The following UGT2B17 variants were observed in gnomAD, a reference collection of about 807,000 sequenced individuals.
The protein encoded by UGT2B17 is UDP-glucuronosyltransferase 2B17.
In UGT2B17, 21 loss-of-function variants were observed where a neutral mutation model predicts 48.2. The observed-to-expected ratio is 0.44, with a 90% CI of 0.31 to 0.63. The LOEUF (loss-of-function observed/expected upper bound fraction) is 0.63, where lower values mean the gene tolerates loss of function less well. Among genes scored for constraint, UGT2B17 ranks in the 20% least tolerant of loss-of-function variants. The pLI is 0.08. For missense variants in UGT2B17, 402 were observed against 696.1 expected, an observed-to-expected ratio of 0.58 and a Z score of 4.75; for synonymous variants, 146 against 238.4, an observed-to-expected ratio of 0.61 and a Z score of 3.57.
intron 4 of UGT2B17, among the ~76,000 whole-genome samples, chr4:68,554,597 TGTAA>T (rs1730970251): frequency 1.6e-5 from 2 of 125,644 alleles, no homozygotes; most frequent in Admixed American, 8.2e-5. Flanking sequence ...TTTGTGTGTG[TGTAA>T]GTGTTTGCAT....
chr4:68,564,294 A>ATT (rs1182011820), intron 3 of UGT2B17, among the ~76,000 whole-genome samples: 3,699 of 75,658 alleles, frequency 0.049, 774 homozygotes, highest in African/African-American at 0.15. Context: ...ATATATATAT[A>ATT]TTTTTTTTTT....
At chr4:68,541,784 C>A (rs1400236314) in intron 6 of UGT2B17, among the ~76,000 whole-genome samples, 2 of 126,744 alleles carry the variant, frequency 1.6e-5, no homozygotes, top group African/African-American at 5.4e-5. Flanking sequence ...TTGGGTTTTA[C>A]ATTTAAGTCT....
chr4:68,538,578 G>A (rs115559893), intron 6 of UGT2B17, among the ~76,000 whole-genome samples: 2,572 of 125,508 alleles, frequency 0.02, 593 homozygotes, highest in East Asian at 0.06. Flanking sequence ...CACAACTGGT[G>A]AAATGTCTCC....
rs567735649 is a variant in UGT2B17, at chr4:68,554,010, G to T, written c.1006-2099C>A. 3.0e-4 allele frequency among the ~76,000 whole-genome samples: 38 copies of T among 124,646 alleles called. 11 individuals carry two copies. The highest frequency in any genetic ancestry group is 5.8e-4 in the Admixed American group (7 of 12,100). 81.8% of individuals were successfully genotyped at this position (124,646 alleles called of 152,430 possible). A position where few individuals can be genotyped will look rare whatever the true frequency, so the allele number is the denominator to read the frequency against. ...AGTGGTCCTGCAGGGAAATCCCCAAGAAAAATTAACTTTTAAAAAAAGGCT... is the reference window on the plus strand; with the variant it reads ...AGTGGTCCTGCAGGGAAATCCCCAATAAAAATTAACTTTTAAAAAAAGGCT... On this transcript the variant is annotated intron_variant, in intron 4 of 6. Coordinates refer to ENST00000317746, the MANE Select transcript of UGT2B17 (RefSeq NM_001077.4).
chr4:68,563,652 G>T lies in UGT2B17; in HGVS notation c.873+1920C>A, dbSNP rs1731142566. ...CTTATTCTCCTATTCTCTTCCCCCT[G>T]CTAATGGCACTATCACTTTCTTTTG... On this transcript the variant is annotated intron_variant, in intron 3 of 6. Coordinates refer to ENST00000317746, the MANE Select transcript of UGT2B17 (RefSeq NM_001077.4). Among the ~76,000 whole-genome samples the T allele has an allele frequency of 1.6e-5, 2 of 126,034 alleles. 1 individual carries two copies. Among genetic ancestry groups the T allele is most frequent in the Non-Finnish European group, 3.4e-5 (2 of 59,572 alleles). The allele number at this position is 126,034 out of a possible 152,430, so 82.7% of individuals were successfully genotyped here.
rs1191934080 is a variant in UGT2B17 at position 68,547,856 on chromosome 4, C to T, written c.1313+2821G>A. On this transcript the variant is annotated intron_variant, in intron 6 of 6. Coordinates refer to ENST00000317746, the MANE Select transcript of UGT2B17 (RefSeq NM_001077.4). ...ATCATCGCTGGCCATCAGAGAAATG[C>T]AAATCAAAACCACAATGAGATACCA... is the stretch of plus-strand genomic sequence containing the variant. 1.9e-4 allele frequency among the ~76,000 whole-genome samples: 24 copies of T among 126,266 alleles called. 6 individuals carry two copies. The highest frequency in any genetic ancestry group is 6.5e-4 in the African/African-American group (24 of 36,876). The allele number at this position is 126,266 out of a possible 152,430, so 82.8% of individuals were successfully genotyped here.
In UGT2B17 at chr4:68,571,985, G is replaced by A. The variant is rs746131316; in HGVS notation, c.-64-3437C>T. 4.2e-4 allele frequency among the ~76,000 whole-genome samples: 52 copies of A among 124,166 alleles called. 15 individuals carry two copies. Among genetic ancestry groups the A allele is most frequent in the Admixed American group, 9.9e-4 (12 of 12,078 alleles). The allele number at this position is 124,166 out of a possible 152,430, so 81.5% of individuals were successfully genotyped here. On this transcript the variant is annotated intron_variant, in intron 1 of 6. Coordinates refer to ENST00000317746, the MANE Select transcript of UGT2B17 (RefSeq NM_001077.4). ...TTCTTTTATTTTACTTTGGGTCTGA[G>A]GGGTTTGTGATTATCAATTCTAAAA... is the stretch of plus-strand genomic sequence containing the variant.
chr4:68,546,208 A>G (rs1325978714), intron 6 of UGT2B17, among the ~76,000 whole-genome samples: 1 of 126,094 alleles, frequency 7.9e-6, no homozygotes, highest in African/African-American at 2.7e-5. Flanking sequence ...CCAGCAGCAC[A>G]TCAAAAAGCT....
Position 68,565,588 on chromosome 4 carries a change from G to T in UGT2B17, c.857C>A (p.Ala286Asp). Reference protein sequence around the residue: ...DFVGGLHCKPAKPLPKEMEEF... With the variant: ...DFVGGLHCKPDKPLPKEMEEF... ...TATGTTCACCTTAGGCAAGGGTTTG[G>T]CTGGTTTACAGTGAAGTCCTCCAAC... Residue 286 changes from alanine to aspartate, a missense_variant, in exon 3 of 7, where the codon GCC becomes GAC. Physicochemically the swap from Ala to Asp is moderately radical, Grantham distance 126 (BLOSUM62 -2). This residue lies in a region of UGT2B17 where 106 missense variants were observed against 169.8 expected (regional missense o/e 0.62). Transcript: ENST00000317746. 7.3e-7 allele frequency: 1 copy of T among 1,368,960 alleles called. No individual in the cohort carries two copies. Among genetic ancestry groups the T allele is most frequent in the Non-Finnish European group, 9.5e-7 (1 of 1,050,132 alleles). 84.8% of individuals were successfully genotyped at this position (1,368,960 alleles called of 1,614,324 possible).
rs1730580079 is a variant in UGT2B17, at chr4:68,537,746, G to A, written c.1472C>T (p.Ser491Phe). 1 of 1,379,660 alleles carries A rather than the reference G, an allele frequency of 7.2e-7. No individual in the cohort carries two copies. Among genetic ancestry groups the A allele is most frequent in the Admixed American group, 2.0e-5 (1 of 50,586 alleles). The allele number at this position is 1,379,660 out of a possible 1,614,324, so 85.5% of individuals were successfully genotyped here. ...AHNLTWIQYH[S>F]LDVIAFLLAC... The stretch of plus-strand genomic sequence containing the variant: ...CAGCAGGAATGCTATCACATCCAAA[G>A]AGTGGTACTGGATCCAGGTGAGGTT... The change falls in exon 7 of 7, where the codon TCT (serine) becomes TTT (phenylalanine). Residue 491 changes from serine to phenylalanine, a missense_variant. Around this residue, in one of 5 missense-constraint regions of UGT2B17, gnomAD observed 156 missense variants for 258.6 expected, o/e 0.60. Transcript: ENST00000317746.
rs1427213772 is a variant in UGT2B17, at chr4:68,568,171, G to T, written c.314C>A (p.Thr105Lys). The T allele has an allele frequency of 7.2e-7, 1 of 1,379,318 alleles. No homozygotes were observed. The highest frequency in any genetic ancestry group is 9.5e-7 in the Non-Finnish European group (1 of 1,053,626). 85.4% of individuals were successfully genotyped at this position (1,379,318 alleles called of 1,614,324 possible). A position where few individuals can be genotyped will look rare whatever the true frequency, so the allele number is the denominator to read the frequency against. ...DRWTYSISKN[T>K]FWSYFSQLQE... ...TAGTTGTGAAAAATATGACCAAAAT[G>T]TATTTTTTGAAATACTATATGTCCA... Residue 105 changes from threonine to lysine, a missense_variant, in exon 2 of 7, where the codon ACA becomes AAA. Transcript: ENST00000317746.
chr4:68,569,115 A>T (rs1370931253), intron 1 of UGT2B17, among the ~76,000 whole-genome samples: 1 of 125,586 alleles, frequency 8.0e-6, no homozygotes, highest in African/African-American at 2.7e-5. Context: ...GGCAGATGGG[A>T]TGCAGGACTA....
chr4:68,550,224 G>T (rs1331360810), intron 6 of UGT2B17, among the ~76,000 whole-genome samples: 1 of 123,954 alleles, frequency 8.1e-6, no homozygotes, highest in Non-Finnish European at 1.7e-5. Context: ...AATATATTTA[G>T]ATTTTAAATT....
rs1390870049 is a variant in UGT2B17, at chr4:68,565,921, A to C, written c.725-201T>G. Among the ~76,000 whole-genome samples the C allele has an allele frequency of 3.4e-5, 4 of 119,180 alleles. 1 individual carries two copies. The highest frequency in any genetic ancestry group is 1.1e-4 in the African/African-American group (4 of 35,474). The allele number at this position is 119,180 out of a possible 152,430, so 78.2% of individuals were successfully genotyped here. ...TAAATACATTATATTAAATTAATGT[A>C]TATTAAATAATATTAAATACATTAT... On this transcript the variant is annotated intron_variant, in intron 2 of 6. Coordinates refer to ENST00000317746, the MANE Select transcript of UGT2B17 (RefSeq NM_001077.4).
chr4:68,560,117 C>T (rs113397814), intron 4 of UGT2B17, among the ~76,000 whole-genome samples: 43,722 of 112,694 alleles, frequency 0.39, 11,634 homozygotes, highest in Middle Eastern at 0.6. Context: ...TTTTTCAATA[C>T]CTGCTTATTG....
Position 68,538,323 on chromosome 4 carries a change from C to T in UGT2B17, c.1314-419G>A, listed in dbSNP as rs1411903470. ...TGATCATGGCTCAGTGCAGCCTTTC[C>T]GTTTCGGTCTCAGGTAATCCTCCAC... is the stretch of plus-strand genomic sequence containing the variant. On this transcript the variant is annotated intron_variant, in intron 6 of 6. Transcript: ENST00000317746. 4.8e-5 allele frequency among the ~76,000 whole-genome samples: 6 copies of T among 124,708 alleles called. 2 individuals are homozygous for T. Among genetic ancestry groups the T allele is most frequent in the Non-Finnish European group, 1.0e-4 (6 of 59,214 alleles). The allele number at this position is 124,708 out of a possible 152,430, so 81.8% of individuals were successfully genotyped here.
intron 6 of UGT2B17, 85 bp downstream of exon 6, chr4:68,550,592 T>G: frequency 9.8e-7 from 1 of 1,020,030 alleles, no homozygotes; most frequent in Non-Finnish European, 1.3e-6. Flanking sequence ...TCAAAATTAG[T>G]CTCTTAACAA....
At position 68,574,615 on chromosome 4, in the gene UGT2B17, TC is replaced by T. The variant is rs1318838510; in HGVS notation, c.-65+1335del. ...TTGCTTGAACTTTTCAAACAATAAT[TC>T]TTTTTTGACTTTTTAATGTAGGTAA... On this transcript the variant is annotated intron_variant, in intron 1 of 6. Transcript: ENST00000317746. 1.6e-5 allele frequency among the ~76,000 whole-genome samples: 2 copies of T among 126,986 alleles called. 1 individual carries two copies. Among genetic ancestry groups the T allele is most frequent in the Non-Finnish European group, 3.3e-5 (2 of 59,836 alleles). The allele number at this position is 126,986 out of a possible 152,430, so 83.3% of individuals were successfully genotyped here. A position where few individuals can be genotyped will look rare whatever the true frequency, so the allele number is the denominator to read the frequency against.
chr4:68,548,990 C>G (rs575735996), intron 6 of UGT2B17, among the ~76,000 whole-genome samples: 1 of 124,624 alleles, frequency 8.0e-6, no homozygotes, highest in African/African-American at 2.7e-5. Context: ...TATAGAATAC[C>G]CTTTATTTCT....
Sources: allele counts gnomAD v4.1 joint callset (sites outside exome capture counted in the v4.1 genomes callset), GRCh38; gene constraint gnomAD v4.1.1; regional missense constraint gnomAD v4.1.1; transcripts MANE v1.5; gene names NCBI Gene and HGNC (gene_info 2026-07-23, HGNC 2026-07-21).